Variants in GABRP observed in about 807,000 individuals in gnomAD.
The protein encoded by GABRP is gamma-aminobutyric acid receptor subunit pi.
Under a neutral mutation model 47.8 loss-of-function variants are expected in GABRP, and 52 were observed. The ratio of observed to expected loss-of-function variants is 1.09; its 90% confidence interval spans 0.87 to 1.37. GABRP has a LOEUF of 1.37. Ranked by LOEUF, GABRP falls within the 40% of genes most tolerant of loss-of-function variation. GABRP has a pLI of 0.00. For synonymous variants in GABRP, 221 were observed against 205.8 expected (o/e 1.07, Z -0.63); for missense variants, 525 against 542.8 (o/e 0.97, Z 0.33).
chr5:170,810,172 T>C, intron 9 of GABRP: 1 of 450,222 alleles, frequency 2.2e-6, no homozygotes, highest in Non-Finnish European at 3.9e-6. Flanking sequence ...GAAAAATGTA[T>C]GGAAATATTA....
chr5:170,790,906 G>A (rs1038750027), intron 3 of GABRP, among the ~76,000 whole-genome samples: 1 of 152,184 alleles, frequency 6.6e-6, no homozygotes, highest in Non-Finnish European at 1.5e-5. Flanking sequence ...CTCAGTTGGA[G>A]ATGGGAGAGA....
intron 1 of GABRP, among the ~76,000 whole-genome samples, chr5:170,786,543 G>A (rs949888919): frequency 8.5e-5 from 13 of 152,174 alleles, no homozygotes; most frequent in African/African-American, 2.9e-4. Flanking sequence ...AACTGACATG[G>A]AAGGTGTCAC....
chr5:170,805,386 C>T (rs996718010), intron 6 of GABRP, among the ~76,000 whole-genome samples: 4 of 152,134 alleles, frequency 2.6e-5, no homozygotes, highest in Admixed American at 2.0e-4. Flanking sequence ...AAGGCAGTAT[C>T]TTTGCGTGTT....
At chr5:170,806,856 A>G (rs1478398993) in intron 7 of GABRP, among the ~76,000 whole-genome samples, 3 of 152,150 alleles carry the variant, frequency 2.0e-5, no homozygotes, top group Non-Finnish European at 4.4e-5. Context: ...ACTGGAATAG[A>G]AGGAAAGATG....
upstream of GABRP, among the ~76,000 whole-genome samples, chr5:170,783,164 T>C (rs7704740): frequency 0.64 from 97,788 of 151,980 alleles, 32,728 homozygotes; most frequent in South Asian, 0.81. Flanking sequence ...CTCCTGGGCC[T>C]CTATCCTCTG....
intron 6 of GABRP, among the ~76,000 whole-genome samples, chr5:170,802,797 G>A (rs925749485): frequency 3.3e-4 from 49 of 150,204 alleles, no homozygotes; most frequent in Middle Eastern, 6.8e-3. Context: ...TCCCCAGTGA[G>A]CGGAGGGAGC....
In GABRP at chr5:170,797,543, A is replaced by G; in HGVS notation, c.536A>G (p.Glu179Gly). ...MDTQTCKLQL[E>G]SWGYDGNDVE... ...ACACAGACATGCAAGTTGCAGCTGG[A>G]AAGCTGTAAGTATACATCCTACAGG... Residue 179 changes from glutamate to glycine, a missense_variant, in exon 6 of 10, where the codon GAA (glutamate) becomes GGA (glycine). Coordinates refer to ENST00000265294, the MANE Select transcript of GABRP (RefSeq NM_014211.3). The G allele has an allele frequency of 6.3e-7, 1 of 1,599,924 alleles. No homozygotes were observed. Among genetic ancestry groups the G allele is most frequent in the Non-Finnish European group, 8.6e-7 (1 of 1,167,134 alleles).
intron 4 of GABRP, 135 bp from the exon 5 acceptor site, chr5:170,795,073 A>G (rs1765387961): frequency 1.4e-6 from 1 of 696,058 alleles, no homozygotes; most frequent in Non-Finnish European, 2.6e-6. Flanking sequence ...TGGTAACTTT[A>G]TTCACCAAAG....
chr5:170,793,956 T>C (rs961611747), intron 3 of GABRP, among the ~76,000 whole-genome samples: 1 of 152,020 alleles, frequency 6.6e-6, no homozygotes, highest in Non-Finnish European at 1.5e-5. Context: ...ATAATAATAA[T>C]TAAAAAGCAT....
In GABRP at chr5:170,810,806, T is replaced by C. The variant is rs1021810105; in HGVS notation, c.1020+1051T>C. On this transcript the variant is annotated intron_variant, in intron 9 of 9. Coordinates refer to ENST00000265294, the MANE Select transcript of GABRP (RefSeq NM_014211.3). ...TTTGGCTACAGTGAGTAATGTTTCATAGTCATGTCATCCAAGCACCAAAGG... is the reference window on the plus strand; with the variant it reads ...TTTGGCTACAGTGAGTAATGTTTCACAGTCATGTCATCCAAGCACCAAAGG... 3.3e-5 allele frequency among the ~76,000 whole-genome samples: 5 copies of C among 152,186 alleles called. No homozygotes were observed. The South Asian group carries it at 1.0e-3, about 32-fold the overall frequency.
chr5:170,802,658 G>A (rs904347624), intron 6 of GABRP, among the ~76,000 whole-genome samples: 20 of 152,036 alleles, frequency 1.3e-4, no homozygotes, highest in African/African-American at 4.8e-4. Context: ...GGAAACCTCA[G>A]CCTCTGTTTC....
chr5:170,799,303 G>A (rs1471612336), intron 6 of GABRP, among the ~76,000 whole-genome samples: 1 of 152,136 alleles, frequency 6.6e-6, no homozygotes, highest in East Asian at 1.9e-4. Flanking sequence ...CCCAGTAATG[G>A]GATGGCTGGG....
At chr5:170,799,207 C>A (rs201394912) in intron 6 of GABRP, among the ~76,000 whole-genome samples, 1 of 152,110 alleles carries the variant, frequency 6.6e-6, no homozygotes, top group African/African-American at 2.4e-5. Flanking sequence ...TGGTTCCAAG[C>A]CTTTGCTATT....
Position 170,809,663 on chromosome 5 carries a change from C to T in GABRP, c.928C>T (p.Leu310=), listed in dbSNP as rs1478607701. Residue 310 remains leucine, a synonymous_variant, in exon 9 of 10, where the codon CTG becomes TTG. Transcript: ENST00000265294. ...NCFIKAIDVY[L]GICFSFVFGA... ...CTTCATCAAGGCCATCGATGTGTAC[C>T]TGGGGATCTGCTTTAGCTTTGTGTT... is the stretch of plus-strand genomic sequence containing the variant. The T allele has an allele frequency of 1.2e-6, 2 of 1,614,142 alleles. No individual in the cohort carries two copies. The highest frequency in any genetic ancestry group is 1.7e-6 in the Non-Finnish European group (2 of 1,179,998).
intron 7 of GABRP, among the ~76,000 whole-genome samples, chr5:170,807,582 G>A (rs868286911): frequency 2.6e-5 from 4 of 151,964 alleles, no homozygotes; most frequent in South Asian, 4.2e-4. Context: ...CTGGACCAAC[G>A]GGCAAAAGAC....
Position 170,797,518 on chromosome 5 carries a change from A to G in GABRP, c.511A>G (p.Thr171Ala), listed in dbSNP as rs763722051. Reference protein sequence around the residue: ...NMDLSKYPMDTQTCKLQLESW... With the variant: ...NMDLSKYPMDAQTCKLQLESW... ...GGATCTGTCTAAATACCCCATGGAC[A>G]CACAGACATGCAAGTTGCAGCTGGA... The change falls in exon 6 of 10, where the codon ACA (threonine) becomes GCA (alanine). Residue 171 changes from threonine (T) to alanine (A), a missense_variant. Physicochemically the swap from Thr to Ala is moderately conservative, Grantham distance 58 (BLOSUM62 0). Transcript: ENST00000265294. 2 of 1,612,552 alleles carry G rather than the reference A, an allele frequency of 1.2e-6. No homozygotes were observed. The highest frequency in any genetic ancestry group is 1.3e-5 in the African/African-American group (1 of 74,886).
chr5:170,794,712 A>G (rs1167389344), intron 4 of GABRP, among the ~76,000 whole-genome samples: 1 of 152,122 alleles, frequency 6.6e-6, no homozygotes, highest in African/African-American at 2.4e-5. Context: ...GCTGATGCTG[A>G]CAACGACTGT....
At chr5:170,790,787 C>A (rs1765243679) in intron 3 of GABRP, among the ~76,000 whole-genome samples, 1 of 152,194 alleles carries the variant, frequency 6.6e-6, no homozygotes. Context: ...GATATCCCCA[C>A]TGTGTTCAGT....
rs139832992 is a variant in GABRP, at chr5:170,789,166, G to A, written c.91G>A (p.Gly31Ser). 34 of 1,614,082 alleles carry A rather than the reference G, an allele frequency of 2.1e-5. No individual in the cohort carries two copies. The East Asian group carries it at 3.8e-4, about 18-fold the overall frequency. The change falls in exon 3 of 10, where the codon GGC becomes AGC. Residue 31 changes from glycine (G) to serine (S), a missense_variant. Gly to Ser is a moderately conservative substitution (Grantham distance 56). Coordinates refer to ENST00000265294, the MANE Select transcript of GABRP (RefSeq NM_014211.3). ...IQGSQFNVEV[G>S]RSDKLSLPGF... ...GGGGAGTCAGTTCAACGTCGAGGTC[G>A]GCAGAAGTGACAAGCTTTCCCTGCC...
Sources: allele counts gnomAD v4.1 joint callset (sites outside exome capture counted in the v4.1 genomes callset), GRCh38; gene constraint gnomAD v4.1.1; transcripts MANE v1.5; gene names NCBI Gene and HGNC (gene_info 2026-07-23, HGNC 2026-07-21).